The following CHODL variants were observed in gnomAD, a reference collection of about 807,000 sequenced individuals.
CHODL encodes chondrolectin, also known as transmembrane protein MT75.
Under a neutral mutation model 34.5 loss-of-function variants are expected in CHODL, and 29 were observed. The observed-to-expected ratio is 0.84, with a 90% CI of 0.63 to 1.15. The LOEUF is 1.15. Ranked by LOEUF, CHODL falls within the 50% of genes most tolerant of loss-of-function variation. The pLI is 0.00. For synonymous variants in CHODL, 125 were observed against 116.1 expected (o/e 1.08, Z -0.49); for missense variants, 332 against 332.5 (o/e 1.00, Z 0.01).
At chr21:18,159,705 T>G (rs553619150) in intron 2 of CHODL, among the ~76,000 whole-genome samples, 1 of 152,294 alleles carries the variant, frequency 6.6e-6, no homozygotes, top group African/African-American at 2.4e-5. Flanking sequence ...TTTTAAGGAC[T>G]TTGGGATACA....
chr21:18,176,492 T>C (rs2073314895), intron 2 of CHODL, among the ~76,000 whole-genome samples: 1 of 152,180 alleles, frequency 6.6e-6, no homozygotes, highest in South Asian at 2.1e-4. Context: ...TTTACTCTTG[T>C]TCTAAGATAT....
At chr21:18,232,969 A>ATATATATATATATATATATATATATATG (rs1568947327) in intron 2 of CHODL, among the ~76,000 whole-genome samples, 1 of 138,958 alleles carries the variant, frequency 7.2e-6, no homozygotes, top group African/African-American at 3.0e-5. Flanking sequence ...ATATATATAT[A>ATATATATATATATATATATATATATATG]TATGTATATA....
chr21:18,179,903 A>C (rs1453591427), intron 2 of CHODL, among the ~76,000 whole-genome samples: 2 of 152,222 alleles, frequency 1.3e-5, no homozygotes, highest in Non-Finnish European at 1.5e-5. Flanking sequence ...AATTTTTATT[A>C]ACTGAAACAA....
intron 1 of CHODL, among the ~76,000 whole-genome samples, chr21:18,248,640 ATGTATATATTATATAC>A: frequency 7.7e-6 from 1 of 129,912 alleles, no homozygotes; most frequent in Non-Finnish European, 1.6e-5. Context: ...TAATACATAT[ATGTATATATTATATAC>A]ATATATATGT....
chr21:18,011,966 T>G (rs1389874824), intron 1 of CHODL, among the ~76,000 whole-genome samples: 2 of 152,254 alleles, frequency 1.3e-5, no homozygotes, highest in Admixed American at 6.5e-5. Context: ...AAATACTGAG[T>G]GCCTACTATG....
rs144483308 is a variant in CHODL at position 18,231,587 on chromosome 21, A to G, written c.-44-24922A>G. Among the ~76,000 whole-genome samples, 669 of 152,262 alleles carry G rather than the reference A, an allele frequency of 4.4e-3. 3 individuals are homozygous for G. The highest frequency in any genetic ancestry group is 7.2e-3 in the Non-Finnish European group (489 of 68,006). On this transcript the variant is annotated intron_variant, in intron 2 of 6. Coordinates refer to the CHODL transcript ENST00000400127. ...CTTGCATTGTTTTTTAACCTATTGA[A>G]AAGAGTATCTGATACATACCTTTTC...
At chr21:17,929,629 C>T (rs1026578326) in intron 1 of CHODL, among the ~76,000 whole-genome samples, 1 of 152,186 alleles carries the variant, frequency 6.6e-6, no homozygotes, top group African/African-American at 2.4e-5. Flanking sequence ...CCCTGGGGCC[C>T]CACTCCCAGT....
chr21:18,049,932 A>C (rs2064493092), intron 2 of CHODL, among the ~76,000 whole-genome samples: 1 of 152,028 alleles, frequency 6.6e-6, no homozygotes, highest in South Asian at 2.1e-4. Context: ...AGCTTCTCTT[A>C]GTCATCAGCA....
intron 1 of CHODL, among the ~76,000 whole-genome samples, chr21:18,010,137 A>C (rs1321197247): frequency 3.4e-5 from 5 of 144,996 alleles, no homozygotes; most frequent in South Asian, 2.2e-4. Flanking sequence ...AAAAAAAAAA[A>C]AAAAAAAAAA....
chr21:18,119,310 A>G (rs78640281), intron 2 of CHODL, among the ~76,000 whole-genome samples: 3,474 of 151,956 alleles, frequency 0.023, 114 homozygotes, highest in East Asian at 0.12. Context: ...GGTAGTAGAC[A>G]AAGAACTGTG....
chr21:18,002,247 C>G (rs2063913679), intron 1 of CHODL, among the ~76,000 whole-genome samples: 1 of 152,154 alleles, frequency 6.6e-6, no homozygotes, highest in East Asian at 1.9e-4. Flanking sequence ...AAACTTAATA[C>G]TGACCCTAGC....
At chr21:18,124,266 A>G (rs897259318) in intron 2 of CHODL, among the ~76,000 whole-genome samples, 2 of 152,120 alleles carry the variant, frequency 1.3e-5, no homozygotes, top group Non-Finnish European at 2.9e-5. Flanking sequence ...CCATTACCCT[A>G]AAGTGGGAAT....
chr21:18,009,392 G>A (rs1020221727), intron 1 of CHODL, among the ~76,000 whole-genome samples: 36 of 152,068 alleles, frequency 2.4e-4, no homozygotes, highest in Non-Finnish European at 5.0e-4. Flanking sequence ...AAACCCAGGA[G>A]TTGAAGAATG....
intron 2 of CHODL, among the ~76,000 whole-genome samples, chr21:18,101,877 C>T (rs1381108939): frequency 5.9e-5 from 9 of 151,626 alleles, no homozygotes; most frequent in Non-Finnish European, 1.5e-5. Context: ...GGTCATGGCC[C>T]AAATTGGTTT....
intron 2 of CHODL, among the ~76,000 whole-genome samples, chr21:18,235,276 A>G (rs985542194): frequency 6.6e-6 from 1 of 152,124 alleles, no homozygotes; most frequent in Admixed American, 6.6e-5. Flanking sequence ...AAGCCTGTGC[A>G]TGTTTTTTTA....
chr21:18,139,267 A>G (rs1428362833), intron 2 of CHODL, among the ~76,000 whole-genome samples: 1 of 151,838 alleles, frequency 6.6e-6, no homozygotes, highest in Non-Finnish European at 1.5e-5. Flanking sequence ...TAGGGATGGG[A>G]TATAAAGAGG....
intron 2 of CHODL, among the ~76,000 whole-genome samples, chr21:18,082,111 C>T (rs554761180): frequency 1.4e-4 from 22 of 152,160 alleles, no homozygotes; most frequent in Non-Finnish European, 2.8e-4. Flanking sequence ...ATGATTGAAT[C>T]GTGGGAGCAG....
At chr21:18,151,897 C>A (rs771207601) in intron 2 of CHODL, among the ~76,000 whole-genome samples, 4 of 152,058 alleles carry the variant, frequency 2.6e-5, no homozygotes, top group African/African-American at 9.7e-5. Context: ...AAATGCCTTA[C>A]CTTCTAATAC....
chr21:18,232,228 T>A (rs1474905808), intron 2 of CHODL, among the ~76,000 whole-genome samples: 1 of 152,170 alleles, frequency 6.6e-6, no homozygotes, highest in African/African-American at 2.4e-5. Flanking sequence ...TATAAAATCA[T>A]CATTTTCGAT....
Sources: allele counts gnomAD v4.1 joint callset (sites outside exome capture counted in the v4.1 genomes callset), GRCh38; gene constraint gnomAD v4.1.1; transcripts MANE v1.5; gene names NCBI Gene and HGNC (gene_info 2026-07-23, HGNC 2026-07-21).